Variants in CPPED1 observed in about 807,000 individuals in gnomAD.
CPPED1 encodes the protein serine/threonine-protein phosphatase CPPED1.
A neutral mutation model predicts 28.0 loss-of-function variants in CPPED1; 28 were observed. The ratio of observed to expected loss-of-function variants is 1.00; its 90% CI spans 0.74 to 1.37. The LOEUF (loss-of-function observed/expected upper bound fraction) is 1.37, where lower values mean the gene tolerates loss of function less well. Ranked by LOEUF, CPPED1 falls within the 40% of genes most tolerant of loss-of-function variation. CPPED1 has a pLI of 0.00. For missense variants in CPPED1, 504 were observed against 416.5 expected (o/e 1.21, Z -1.83); for synonymous variants, 198 against 180.2 (o/e 1.10, Z -0.79).
At chr16:12,778,472 C>T (rs2080511379) in intron 2 of CPPED1, among the ~76,000 whole-genome samples, 1 of 151,970 alleles carries the variant, frequency 6.6e-6, no homozygotes, top group Non-Finnish European at 1.5e-5. Flanking sequence ...GACGGGGTTT[C>T]ACCATGTTGG....
At chr16:12,803,658 AGGTTC>A in intron 1 of CPPED1, 44 bp downstream of exon 1, 1 of 1,396,192 alleles carries the variant, frequency 7.2e-7, no homozygotes, top group Non-Finnish European at 9.4e-7. Context: ...CCCCGGCGGA[AGGTTC>A]CGCAGCCCCA....
At position 12,746,257 on chromosome 16, in the gene CPPED1, C is replaced by A. The variant is rs541578951; in HGVS notation, c.289+34928G>T. Among the ~76,000 whole-genome samples the A allele has an allele frequency of 2.6e-5, 4 of 152,182 alleles. No individual in the cohort carries two copies. The South Asian group carries it at 8.3e-4, about 32-fold the overall frequency. On this transcript the variant is annotated intron_variant, in intron 2 of 3. Coordinates refer to ENST00000381774, the MANE Select transcript of CPPED1 (RefSeq NM_018340.3). The stretch of plus-strand genomic sequence containing the variant: ...GGGTGTGGTGGCACACACCTGTAAT[C>A]CCAGCTACTTGGGAGGCTGAAGCAG...
rs528681765 is a variant in CPPED1 at position 12,769,481 on chromosome 16, C to T, written c.289+11704G>A. On this transcript the variant is annotated intron_variant, in intron 2 of 3. Transcript: ENST00000381774. ...GTGTGTCTCCTCTGCCGGACTGCCA[C>T]GTAGAAAATGCTGGCAGGGGTGGAA... is the stretch of plus-strand genomic sequence containing the variant. Among the ~76,000 whole-genome samples, 3 of 152,138 alleles carry T rather than the reference C, an allele frequency of 2.0e-5. No homozygotes were observed. The South Asian group carries it at 6.2e-4, about 32-fold the overall frequency.
chr16:12,668,502 C>G (rs2079837591), intron 3 of CPPED1, among the ~76,000 whole-genome samples: 1 of 152,124 alleles, frequency 6.6e-6, no homozygotes, highest in Non-Finnish European at 1.5e-5. Context: ...TAAACTTCAT[C>G]AAAATTACCA....
At chr16:12,727,368 G>A (rs1567288023) in intron 2 of CPPED1, among the ~76,000 whole-genome samples, 1 of 152,094 alleles carries the variant, frequency 6.6e-6, no homozygotes, top group East Asian at 1.9e-4. Context: ...TTCTTTGTTT[G>A]TTGAGATACA....
At chr16:12,673,993 G>A (rs1444679739) in intron 3 of CPPED1, among the ~76,000 whole-genome samples, 1 of 152,046 alleles carries the variant, frequency 6.6e-6, no homozygotes, top group Non-Finnish European at 1.5e-5. Context: ...AGGTTGCAGT[G>A]GGCTATGGTT....
chr16:12,773,792 G>A (rs530876791), intron 2 of CPPED1, among the ~76,000 whole-genome samples: 2 of 152,262 alleles, frequency 1.3e-5, no homozygotes, highest in South Asian at 4.1e-4. Flanking sequence ...AGCCACCCAC[G>A]TGAACAATCT....
At chr16:12,687,317 AT>A (rs1305471033) in intron 3 of CPPED1, among the ~76,000 whole-genome samples, 2 of 152,168 alleles carry the variant, frequency 1.3e-5, no homozygotes, top group Non-Finnish European at 2.9e-5. Flanking sequence ...CTGTCTTTAC[AT>A]TTTTTAAAAA....
chr16:12,768,010 C>A (rs1297176166), intron 2 of CPPED1, among the ~76,000 whole-genome samples: 1 of 152,004 alleles, frequency 6.6e-6, no homozygotes, highest in East Asian at 1.9e-4. Context: ...GACTTAGTGC[C>A]CCAGAAGGAA....
chr16:12,786,580 C>T (rs1027496375), intron 1 of CPPED1, among the ~76,000 whole-genome samples: 1 of 152,190 alleles, frequency 6.6e-6, no homozygotes, highest in Non-Finnish European at 1.5e-5. Context: ...ATCTAGTCAT[C>T]ACCCTTTACA....
chr16:12,704,748 G>A lies in CPPED1; in HGVS notation c.591C>T (p.Cys197=). Residue 197 remains cysteine (C), a synonymous_variant, in exon 3 of 4, where the codon TGC becomes TGT. Transcript: ENST00000381774. ...TGTGCTGGAAGACGATGGCATGCTG[G>A]CAGTGCCGCTGCCTCGCGATGCTCA... ...EQLSIARQRH[C]QHAIVFQHIP... 1 of 1,614,194 alleles carries A rather than the reference G, an allele frequency of 6.2e-7. No individual in the cohort carries two copies.
intron 1 of CPPED1, among the ~76,000 whole-genome samples, chr16:12,794,860 C>T (rs1309937279): frequency 2.6e-5 from 4 of 152,212 alleles, no homozygotes; most frequent in African/African-American, 9.7e-5. Flanking sequence ...GCCACAATGG[C>T]CGTCCTTCCA....
intron 3 of CPPED1, among the ~76,000 whole-genome samples, chr16:12,665,449 G>A (rs1301747722): frequency 6.6e-6 from 1 of 152,118 alleles, no homozygotes; most frequent in African/African-American, 2.4e-5. Context: ...GAAGAAAACA[G>A]CCTGAGTCCT....
intron 2 of CPPED1, among the ~76,000 whole-genome samples, chr16:12,772,236 T>C (rs981146754): frequency 6.6e-6 from 1 of 152,268 alleles, no homozygotes; most frequent in Admixed American, 6.5e-5. Flanking sequence ...CCTTGACATC[T>C]AATTGAAGGT....
chr16:12,681,029 A>G (rs1366076435), intron 3 of CPPED1, among the ~76,000 whole-genome samples: 1 of 152,082 alleles, frequency 6.6e-6, no homozygotes, highest in Non-Finnish European at 1.5e-5. Context: ...GGTAGGAAGC[A>G]ATGGCCCAGT....
chr16:12,793,367 G>A (rs79764006), intron 1 of CPPED1, among the ~76,000 whole-genome samples: 74 of 152,252 alleles, frequency 4.9e-4, no homozygotes, highest in African/African-American at 1.6e-3. Context: ...AGGCTGGAGC[G>A]GGAGGCGGGG....
chr16:12,791,354 T>G (rs964363946), intron 1 of CPPED1, among the ~76,000 whole-genome samples: 11 of 152,192 alleles, frequency 7.2e-5, no homozygotes, highest in Admixed American at 2.0e-4. Flanking sequence ...CTGAGAATGA[T>G]GGCTTCTAGC....
intron 3 of CPPED1, among the ~76,000 whole-genome samples, chr16:12,680,408 T>C (rs997680252): frequency 6.6e-6 from 1 of 152,176 alleles, no homozygotes; most frequent in African/African-American, 2.4e-5. Context: ...CACACTGCTA[T>C]GTAAAATCTA....
At chr16:12,802,499 G>A (rs928336273) in intron 1 of CPPED1, among the ~76,000 whole-genome samples, 2 of 152,154 alleles carry the variant, frequency 1.3e-5, no homozygotes, top group African/African-American at 4.8e-5. Flanking sequence ...TACTCCAGAG[G>A]CTGAGGCAGG....
Sources: allele counts gnomAD v4.1 joint callset (sites outside exome capture counted in the v4.1 genomes callset), GRCh38; gene constraint gnomAD v4.1.1; transcripts MANE v1.5; gene names NCBI Gene and HGNC (gene_info 2026-07-23, HGNC 2026-07-21).